Variants in CFAP276 observed in about 807,000 individuals in gnomAD.
The protein encoded by CFAP276 is cilia and flagella associated protein 276.
the CFAP276 span, chr1:109,112,750 G>C: frequency 6.5e-7 from 1 of 1,533,872 alleles, no homozygotes; most frequent in Non-Finnish European, 8.8e-7. Flanking sequence ...ACTGGCATAA[G>C]ATCCCGGGTC....
the CFAP276 span, chr1:109,106,009 G>A: frequency 6.3e-7 from 1 of 1,595,360 alleles, no homozygotes; most frequent in Non-Finnish European, 8.6e-7. Flanking sequence ...ACTATAATTA[G>A]TTCAGGGATC....
chr1:109,106,071 C>T, the CFAP276 span: 48 of 1,613,580 alleles, frequency 3.0e-5, no homozygotes, highest in Non-Finnish European at 5.9e-6. Context: ...GGAGTAGCCT[C>T]CATTGGTGGC....
chr1:109,107,806 A>G, the CFAP276 span: 2 of 755,148 alleles, frequency 2.6e-6, no homozygotes, highest in Non-Finnish European at 2.1e-6. Flanking sequence ...TGAGCCTGGG[A>G]GGTTCAGGCT....
chr1:109,109,618 C>A, the CFAP276 span, among the ~76,000 whole-genome samples: 1 of 142,746 alleles, frequency 7.0e-6, no homozygotes, highest in African/African-American at 2.6e-5. Context: ...CTCACTGCAA[C>A]CTCCGCCTCC....
chr1:109,113,775 G>C, the CFAP276 span: 19 of 1,388,534 alleles, frequency 1.4e-5, no homozygotes, highest in Non-Finnish European at 1.7e-5. Flanking sequence ...AAATTTGTTG[G>C]CTGGCTTGGA....
the CFAP276 span, among the ~76,000 whole-genome samples, chr1:109,107,454 A>T: frequency 2.0e-5 from 3 of 152,306 alleles, no homozygotes; most frequent in African/African-American, 7.2e-5. Context: ...TTTGCTCTAG[A>T]TAACTGCCTA....
At chr1:109,113,469 G>GAGAGAGAGAGA in the CFAP276 span, among the ~76,000 whole-genome samples, 4 of 74,934 alleles carry the variant, frequency 5.3e-5, no homozygotes, top group Middle Eastern at 6.1e-3. Context: ...AGAGAGAGAG[G>GAGAGAGAGAGA]CCCACGTGCG....
chr1:109,106,085 A>G, the CFAP276 span: 2 of 1,613,456 alleles, frequency 1.2e-6, no homozygotes, highest in Middle Eastern at 1.6e-4. Context: ...TGGTGGCTGC[A>G]GTGTGAGGGG....
chr1:109,113,713 A>G, the CFAP276 span: 32 of 1,612,036 alleles, frequency 2.0e-5, no homozygotes, highest in Non-Finnish European at 2.5e-5. Context: ...CGTGTGCAAC[A>G]TCGGAGATGC....
chr1:109,108,020 G>GTTATTTTTTTTTTTTTTTTT, the CFAP276 span: 8 of 1,605,130 alleles, frequency 5.0e-6, no homozygotes, highest in Non-Finnish European at 6.8e-6. Context: ...GGTGTGTTGG[G>GTTATTTTTTTTTTTTTTTTT]TTCTTATATG....
the CFAP276 span, among the ~76,000 whole-genome samples, chr1:109,113,409 AG>A: frequency 8.9e-6 from 1 of 112,672 alleles, no homozygotes; most frequent in Non-Finnish European, 1.8e-5. Context: ...AGAGAGAGAG[AG>A]AGAGAAAGAG....
At chr1:109,108,077 CG>C in the CFAP276 span, 1 of 1,420,910 alleles carries the variant, frequency 7.0e-7, no homozygotes, top group South Asian at 1.1e-5. Context: ...CCTGGTTATA[CG>C]GGAAGCCTTG....
the CFAP276 span, chr1:109,108,027 T>TTTTTTTTTTTTTTTTTTTTTTTTTTCA: frequency 6.2e-7 from 1 of 1,600,708 alleles, no homozygotes; most frequent in Non-Finnish European, 8.6e-7. Flanking sequence ...TGGGTTCTTA[T>TTTTTTTTTTTTTTTTTTTTTTTTTTCA]ATGGCAATTT....
chr1:109,111,221 C>A, the CFAP276 span, among the ~76,000 whole-genome samples: 1 of 152,206 alleles, frequency 6.6e-6, no homozygotes, highest in South Asian at 2.1e-4. Flanking sequence ...AATCTCAGCA[C>A]TTTGGGAGGC....
the CFAP276 span, among the ~76,000 whole-genome samples, chr1:109,113,194 A>G: frequency 2.0e-5 from 3 of 152,058 alleles, no homozygotes; most frequent in South Asian, 4.1e-4. Context: ...GTTCGAGACC[A>G]GTCTGGGCAA....
At chr1:109,107,971 T>A in the CFAP276 span, 1 of 1,613,544 alleles carries the variant, frequency 6.2e-7, no homozygotes, top group Non-Finnish European at 8.5e-7. Context: ...ATTGTGGGGG[T>A]TGAGTTGAGC....
chr1:109,106,135 C>T, the CFAP276 span: 1 of 1,559,548 alleles, frequency 6.4e-7, no homozygotes, highest in East Asian at 2.2e-5. Flanking sequence ...GACTGAATTT[C>T]AGATCGTTGG....
At chr1:109,109,753 T>A in the CFAP276 span, among the ~76,000 whole-genome samples, 10 of 151,942 alleles carry the variant, frequency 6.6e-5, no homozygotes, top group Admixed American at 2.0e-4. Context: ...GCCAGACTGG[T>A]CTCAAACTCC....
the CFAP276 span, among the ~76,000 whole-genome samples, chr1:109,109,379 T>C: frequency 2.0e-5 from 3 of 149,180 alleles, no homozygotes; most frequent in South Asian, 6.8e-4. Context: ...ACCCAGGAGG[T>C]GGAGGTTGCA....
Sources: allele counts gnomAD v4.1 joint callset (sites outside exome capture counted in the v4.1 genomes callset), GRCh38; gene constraint gnomAD v4.1.1; transcripts MANE v1.5; gene names NCBI Gene and HGNC (gene_info 2026-07-23, HGNC 2026-07-21).